Variants in CTSH observed in about 807,000 individuals in gnomAD.
The protein encoded by CTSH is pro-cathepsin H.
In CTSH, 52 loss-of-function variants were observed where a neutral mutation model predicts 56.3. The observed-to-expected ratio is 0.92, with a 90% confidence interval of 0.74 to 1.16. CTSH has a LOEUF of 1.16. Ranked by LOEUF, CTSH falls within the 50% of genes most tolerant of loss-of-function variation. The pLI is 0.00. For missense variants in CTSH, 406 were observed against 424.5 expected (o/e 0.96, Z 0.38); for synonymous variants, 174 against 155.7 (o/e 1.12, Z -0.88).
chr15:78,922,188 C>CG lies in CTSH; in HGVS notation c.949dup (p.Arg317ProfsTer94). The stretch of plus-strand genomic sequence containing the variant: ...AGCCAGGCCACACATGTTCTTTCCG[C>CG]GCTCGATGAGGAAGTACCTGGGCAG... On this transcript the variant is annotated frameshift_variant, in exon 12 of 12. Coordinates refer to ENST00000220166, the MANE Select transcript of CTSH (RefSeq NM_004390.5). LOFTEE classifies it high-confidence loss of function. 1 of 1,581,644 alleles carries CG rather than the reference C, an allele frequency of 6.3e-7. No homozygotes were observed.
Position 78,923,104 on chromosome 15 carries a change from T to C in CTSH, c.821A>G (p.Lys274Arg), listed in dbSNP as rs1567343437. Residue 274 changes from lysine (K) to arginine (R), a missense_variant, in exon 11 of 12, where the codon AAA becomes AGA. Lys to Arg is a conservative substitution (Grantham distance 26). Transcript: ENST00000220166. ...TGIYSSTSCH[K>R]TPDKVNHAVL... ...TGCATGGTTTACTTTATCTGGAGTT[T>C]TATGGCAGGAAGTACTGGAAAACAA... 3 of 1,612,686 alleles carry C rather than the reference T, an allele frequency of 1.9e-6. No individual in the cohort carries two copies. The highest frequency in any genetic ancestry group is 2.5e-6 in the Non-Finnish European group (3 of 1,179,646).
chr15:78,931,418 GA>G, intron 7 of CTSH, 32 bp downstream of exon 7: 1 of 1,614,056 alleles, frequency 6.2e-7, no homozygotes, highest in Non-Finnish European at 8.5e-7. Context: ...GGGAAATGAG[GA>G]AGTTTTGGGC....
chr15:78,932,250 G>A, intron 6 of CTSH, 122 bp downstream of exon 6: 1 of 893,510 alleles, frequency 1.1e-6, no homozygotes, highest in Non-Finnish European at 1.7e-6. Context: ...CAAGGCTGGG[G>A]CATCTGGGTC....
At chr15:78,934,478 C>A (rs557150089) in intron 5 of CTSH, among the ~76,000 whole-genome samples, 1 of 152,350 alleles carries the variant, frequency 6.6e-6, no homozygotes, top group Non-Finnish European at 1.5e-5. Context: ...GGGCCTCTCA[C>A]CTTGCCAAGC....
chr15:78,934,948 C>T (rs376855196), intron 5 of CTSH, 30 bp downstream of exon 5: 6 of 1,451,762 alleles, frequency 4.1e-6, no homozygotes, highest in Non-Finnish European at 5.8e-6. Flanking sequence ...GGCCGTTTTG[C>T]AGGGAGAGGA....
At position 78,921,179 on chromosome 15, in the gene CTSH, A is replaced by T. The variant is rs1178630791; in HGVS notation, c.*951T>A. On this transcript the variant is annotated 3_prime_UTR_variant, in exon 12 of 12. Transcript: ENST00000220166. ...AAGCCCAAATAAGATGACAGCTTTTATCATTAAGAAAGTCTGTGAGCCATA... is the reference window on the plus strand; with the variant it reads ...AAGCCCAAATAAGATGACAGCTTTTTTCATTAAGAAAGTCTGTGAGCCATA... 6.6e-6 allele frequency: 1 copy of T among 152,214 alleles called. No homozygotes were observed. The highest frequency in any genetic ancestry group is 1.5e-5 in the Non-Finnish European group (1 of 68,040). The allele number at this position is 152,214 out of a possible 1,614,324, so 9.4% of individuals were successfully genotyped here.
chr15:78,926,990 GCACA>G (rs2054918906), intron 9 of CTSH: 1 of 152,108 alleles, frequency 6.6e-6, no homozygotes, highest in East Asian at 1.9e-4. Context: ...ATTCGTGGGC[GCACA>G]CACAACCTAA....
intron 2 of CTSH, chr15:78,937,895 G>A (rs2055210090): frequency 1.1e-5 from 10 of 947,768 alleles, no homozygotes; most frequent in South Asian, 5.5e-5. Context: ...GTAATATTTC[G>A]ATACATTCAT....
intron 1 of CTSH, 36 bp downstream of exon 1, chr15:78,944,855 G>A: frequency 3.9e-6 from 6 of 1,540,756 alleles, no homozygotes; most frequent in Middle Eastern, 1.7e-4. Context: ...TCTAGGGCCT[G>A]CTAGCACCCT....
At position 78,927,792 on chromosome 15, in the gene CTSH, T is replaced by C; in HGVS notation, c.631-11A>G. On this transcript the variant is annotated splice_polypyrimidine_tract_variant and intron_variant, in intron 8 of 11. Transcript: ENST00000220166. ...CTTGCAATAACCATCCTGTTGAGGA[T>C]GCAAAGGGCATGAAATACAGGTTAT... The C allele has an allele frequency of 1.9e-6, 3 of 1,613,616 alleles. No individual in the cohort carries two copies. Among genetic ancestry groups the C allele is most frequent in the Middle Eastern group, 1.6e-4 (1 of 6,062 alleles).
At chr15:78,941,285 C>T (rs1429433128) in intron 1 of CTSH, among the ~76,000 whole-genome samples, 4 of 151,400 alleles carry the variant, frequency 2.6e-5, no homozygotes, top group Admixed American at 6.6e-5. Context: ...ATAAGCCAGA[C>T]GTGGTGGCAT....
At position 78,945,038 on chromosome 15, in the gene CTSH, G is replaced by A. The variant is rs947879703; in HGVS notation, c.-57C>T. 8.7e-6 allele frequency: 12 copies of A among 1,374,518 alleles called. No individual in the cohort carries two copies. Among genetic ancestry groups the A allele is most frequent in the Non-Finnish European group, 1.1e-5 (12 of 1,049,778 alleles). The allele number at this position is 1,374,518 out of a possible 1,614,324, so 85.1% of individuals were successfully genotyped here. ...GGGTCCGCGGAGGTGGCGGCCCAGA[G>A]CGTCAACTGGGAGCGCGGGGGGGGA... On this transcript the variant is annotated 5_prime_UTR_variant, in exon 1 of 12. Coordinates refer to ENST00000220166, the MANE Select transcript of CTSH (RefSeq NM_004390.5).
At chr15:78,923,224 A>G in intron 10 of CTSH, 106 bp from the exon 11 acceptor site, 1 of 1,290,898 alleles carries the variant, frequency 7.7e-7, no homozygotes, top group Admixed American at 2.1e-5. Context: ...TGTTCCCCAC[A>G]GCGGACCAGG....
At chr15:78,936,955 C>T (rs1321679336) in intron 3 of CTSH, 5 of 193,922 alleles carry the variant, frequency 2.6e-5, no homozygotes, top group East Asian at 1.5e-4. Context: ...GAAATTAATC[C>T]GGAGTGAAGG....
chr15:78,927,386 C>T (rs561592193), intron 9 of CTSH: 14 of 375,724 alleles, frequency 3.7e-5, no homozygotes, highest in South Asian at 2.4e-4. Context: ...GTTTCACACA[C>T]GCTGTGTCAA....
chr15:78,934,941 C>T (rs375372809), intron 5 of CTSH, 37 bp downstream of exon 5: 11 of 1,362,428 alleles, frequency 8.1e-6, no homozygotes, highest in East Asian at 2.3e-5. Context: ...GGAGTGTGGC[C>T]GTTTTGCAGG....
At chr15:78,935,201 C>T (rs915395345) in intron 4 of CTSH, 119 bp from the exon 5 acceptor site, 23 of 686,720 alleles carry the variant, frequency 3.3e-5, no homozygotes, top group Non-Finnish European at 5.7e-5. Flanking sequence ...AAGGCTGCAG[C>T]TCTCAGAACC....
At chr15:78,933,837 C>T (rs2055117389) in intron 5 of CTSH, among the ~76,000 whole-genome samples, 1 of 152,240 alleles carries the variant, frequency 6.6e-6, no homozygotes, top group Non-Finnish European at 1.5e-5. Context: ...CTGTCCGTCT[C>T]TATCCCCACA....
chr15:78,924,085 A>C, intron 10 of CTSH, among the ~76,000 whole-genome samples: 1 of 55,876 alleles, frequency 1.8e-5, no homozygotes, highest in East Asian at 1.2e-3. Context: ...GGTGGGGGGG[A>C]TCCAACCCAG....
Sources: allele counts gnomAD v4.1 joint callset (sites outside exome capture counted in the v4.1 genomes callset), GRCh38; gene constraint gnomAD v4.1.1; transcripts MANE v1.5; gene names NCBI Gene and HGNC (gene_info 2026-07-23, HGNC 2026-07-21).